The following OLA1 variants were observed in gnomAD, a reference collection of about 807,000 sequenced individuals.
OLA1 encodes the protein obg-like ATPase 1.
Under a neutral mutation model 48.4 loss-of-function variants are expected in OLA1, and 14 were observed. The observed-to-expected ratio is 0.29, with a 90% CI of 0.19 to 0.45. The LOEUF is 0.45. Among genes scored for constraint, OLA1 ranks in the 20% least tolerant of loss-of-function variants. The probability of loss-of-function intolerance (pLI) is 1.00; values close to 1 mark genes in which losing one functional copy is unlikely to be tolerated. For missense variants in OLA1, 325 were observed against 467.1 expected, an observed-to-expected ratio of 0.70 and a Z score of 2.80; for synonymous variants, 127 against 150.4, an observed-to-expected ratio of 0.84 and a Z score of 1.14.
intron 4 of OLA1, among the ~76,000 whole-genome samples, chr2:174,162,293 G>A (rs1386842689): frequency 1.3e-5 from 2 of 152,146 alleles, no homozygotes; most frequent in East Asian, 3.9e-4. Flanking sequence ...AGGCACGAAT[G>A]TTTTACAAGA....
chr2:174,101,938 G>A (rs1294214345), intron 7 of OLA1, among the ~76,000 whole-genome samples: 4 of 152,162 alleles, frequency 2.6e-5, no homozygotes, highest in Admixed American at 6.6e-5. Flanking sequence ...AGGAAAGTCC[G>A]AAAGTAGATT....
intron 4 of OLA1, among the ~76,000 whole-genome samples, chr2:174,221,453 C>A (rs16862489): frequency 0.13 from 19,632 of 152,102 alleles, 1,456 homozygotes; most frequent in East Asian, 0.21. Context: ...CCTACCTGTT[C>A]TGAAACCTTA....
intron 7 of OLA1, among the ~76,000 whole-genome samples, chr2:174,116,255 C>T (rs1011693721): frequency 1.2e-4 from 19 of 152,116 alleles, no homozygotes; most frequent in African/African-American, 3.4e-4. Context: ...TAAAACTGGT[C>T]GTAAAAATGG....
intron 5 of OLA1, among the ~76,000 whole-genome samples, chr2:174,131,499 G>A (rs141437255): frequency 6.4e-4 from 98 of 152,092 alleles, no homozygotes; most frequent in African/African-American, 2.2e-3. Flanking sequence ...CTTGGTTGTA[G>A]GTCAGGTATT....
At position 174,114,165 on chromosome 2, in the gene OLA1, A is replaced by G. The variant is rs529860253; in HGVS notation, c.728+9015T>C. ...AACACGGTGAAACCCTGTCTCTACT[A>G]AAAATACAAAAAAAAAAAAAAAAAA... is the stretch of plus-strand genomic sequence containing the variant. On this transcript the variant is annotated intron_variant, in intron 7 of 10. Coordinates refer to ENST00000284719, the MANE Select transcript of OLA1 (RefSeq NM_013341.5). Among the ~76,000 whole-genome samples, 591 of 131,248 alleles carry G rather than the reference A, an allele frequency of 4.5e-3. 1 individual carries two copies. Among genetic ancestry groups the G allele is most frequent in the Non-Finnish European group, 7.0e-3 (421 of 59,880 alleles). 86.1% of individuals were successfully genotyped at this position (131,248 alleles called of 152,430 possible). A position where few individuals can be genotyped will look rare whatever the true frequency, so the allele number is the denominator to read the frequency against.
intron 4 of OLA1, among the ~76,000 whole-genome samples, chr2:174,167,395 G>C (rs905043228): frequency 6.6e-6 from 1 of 152,164 alleles, no homozygotes; most frequent in Admixed American, 6.5e-5. Context: ...GACCAACATG[G>C]TGAAACCCTG....
intron 7 of OLA1, among the ~76,000 whole-genome samples, chr2:174,105,467 C>T (rs1037206831): frequency 3.0e-4 from 46 of 151,926 alleles, no homozygotes; most frequent in African/African-American, 1.0e-3. Context: ...GATCTTATAG[C>T]AAACTAAAAA....
chr2:174,179,706 A>C (rs1687491015), intron 4 of OLA1, among the ~76,000 whole-genome samples: 1 of 152,036 alleles, frequency 6.6e-6, no homozygotes, highest in East Asian at 1.9e-4. Flanking sequence ...TGAACTTCTT[A>C]AGGACAGATA....
intron 2 of OLA1, among the ~76,000 whole-genome samples, chr2:174,241,407 T>C (rs1477202955): frequency 6.6e-6 from 1 of 152,214 alleles, no homozygotes; most frequent in Non-Finnish European, 1.5e-5. Flanking sequence ...TTTTCTTTTT[T>C]TTAGCATTTT....
intron 4 of OLA1, among the ~76,000 whole-genome samples, chr2:174,158,613 TCTTA>T (rs1363394262): frequency 6.6e-6 from 1 of 152,096 alleles, no homozygotes; most frequent in Non-Finnish European, 1.5e-5. Context: ...GCATCAAGGC[TCTTA>T]CTAAGGAGCC....
intron 4 of OLA1, among the ~76,000 whole-genome samples, chr2:174,162,650 T>C (rs1195172952): frequency 6.6e-6 from 1 of 152,138 alleles, no homozygotes; most frequent in Non-Finnish European, 1.5e-5. Flanking sequence ...AAAACTTAAG[T>C]TAGAAATTTA....
At chr2:174,117,716 T>C (rs1433359018) in intron 7 of OLA1, among the ~76,000 whole-genome samples, 1 of 152,138 alleles carries the variant, frequency 6.6e-6, no homozygotes, top group African/African-American at 2.4e-5. Flanking sequence ...AACACTGACA[T>C]TGTTCACCTT....
At chr2:174,243,163 C>T (rs1030673916) in intron 2 of OLA1, among the ~76,000 whole-genome samples, 2 of 152,310 alleles carry the variant, frequency 1.3e-5, no homozygotes, top group East Asian at 3.9e-4. Flanking sequence ...GGCGTGCCAC[C>T]ACACCTGGCT....
intron 4 of OLA1, among the ~76,000 whole-genome samples, chr2:174,163,708 ATAAATATATATATATATAT>A (rs1687070902): frequency 2.8e-5 from 1 of 35,538 alleles, no homozygotes; most frequent in African/African-American, 1.2e-4. Flanking sequence ...AAATAAATAA[ATAAATATATATATATATAT>A]ATATATATAT....
chr2:174,237,092 C>T (rs1483152189), intron 2 of OLA1, among the ~76,000 whole-genome samples: 1 of 152,120 alleles, frequency 6.6e-6, no homozygotes, highest in Non-Finnish European at 1.5e-5. Flanking sequence ...TAACACTTAG[C>T]TTAAAATACA....
chr2:174,248,135 T>C (rs957289943), intron 1 of OLA1: 6 of 179,020 alleles, frequency 3.4e-5, no homozygotes, highest in Non-Finnish European at 1.2e-5. Context: ...TGTCGGGTCC[T>C]CTGGCCTACA....
chr2:174,191,139 G>A (rs1285786193), intron 4 of OLA1, among the ~76,000 whole-genome samples: 1 of 151,900 alleles, frequency 6.6e-6, no homozygotes, highest in Non-Finnish European at 1.5e-5. Flanking sequence ...AAAATGACAA[G>A]TATGTGAGGT....
chr2:174,122,909 C>T (rs192030091), intron 7 of OLA1, among the ~76,000 whole-genome samples: 22 of 152,006 alleles, frequency 1.4e-4, no homozygotes, highest in Admixed American at 3.3e-4. Context: ...TGGAAATAAA[C>T]GATAATGTCT....
intron 4 of OLA1, among the ~76,000 whole-genome samples, chr2:174,214,421 G>T (rs917784041): frequency 6.6e-6 from 1 of 152,154 alleles, no homozygotes; most frequent in East Asian, 1.9e-4. Flanking sequence ...TAGTAGTTTG[G>T]TCAGGTAGGC....
Sources: gnomAD v4.1 joint callset for allele counts (sites outside exome capture counted in the v4.1 genomes callset) on GRCh38, gnomAD v4.1.1 for gene constraint, MANE v1.5 for transcripts, NCBI Gene and HGNC (gene_info 2026-07-23, HGNC 2026-07-21) for gene names.